The following RPE65 variants were observed in gnomAD, a reference collection of about 807,000 sequenced individuals.
RPE65 encodes retinoid isomerohydrolase RPE65.
Under a neutral mutation model 68.5 loss-of-function variants are expected in RPE65, and 58 were observed. That is an observed-to-expected ratio of 0.85 (90% CI 0.69 to 1.05). RPE65 has a LOEUF of 1.05. RPE65 is among the 50% of genes least tolerant of loss of function. RPE65 has a pLI of 0.00. For missense variants in RPE65, 643 were observed against 629.9 expected, an observed-to-expected ratio of 1.02 and a Z score of -0.22; for synonymous variants, 220 against 222.2, an observed-to-expected ratio of 0.99 and a Z score of 0.09.
chr1:68,448,073 A>G (rs531391957), intron 2 of RPE65, among the ~76,000 whole-genome samples: 142 of 152,232 alleles, frequency 9.3e-4, no homozygotes, highest in African/African-American at 3.3e-3. Context: ...TATTTACATT[A>G]CTCCACTTAA....
chr1:68,432,789 C>G (rs2100809721), intron 10 of RPE65, among the ~76,000 whole-genome samples: 1 of 152,098 alleles, frequency 6.6e-6, no homozygotes, highest in Non-Finnish European at 1.5e-5. Context: ...AGGGAGGATC[C>G]AAGAGTGGAA....
Position 68,431,553 on chromosome 1 carries a change from G to A in RPE65, c.1161C>T (p.Pro387=), listed in dbSNP as rs1290877282. The A allele has an allele frequency of 6.2e-7, 1 of 1,613,724 alleles. No individual in the cohort carries two copies. The highest frequency in any genetic ancestry group is 8.5e-7 in the Non-Finnish European group (1 of 1,179,884). The change falls in exon 11 of 14, where the codon CCC becomes CCT. Residue 387 remains proline (P), a synonymous_variant. Coordinates refer to ENST00000262340, the MANE Select transcript of RPE65 (RefSeq NM_000329.3). ...ADTGKNLVTL[P]NTTATAILCS... ...ACAGAATTGCAGTGGCAGTTGTATT[G>A]GGGAGCGTGACTAAATTCTTGCCTG...
intron 3 of RPE65, 113 bp downstream of exon 3, chr1:68,446,597 G>A: frequency 8.2e-7 from 1 of 1,216,216 alleles, no homozygotes; most frequent in Non-Finnish European, 1.2e-6. Flanking sequence ...ATTGTGAGAA[G>A]AAAGTGGGTA....
chr1:68,429,979 A>T (rs1645814691), intron 13 of RPE65, 52 bp from the exon 14 acceptor site: 1 of 1,601,496 alleles, frequency 6.2e-7, no homozygotes, highest in Non-Finnish European at 8.5e-7. Context: ...AGCCCAAGCT[A>T]TAGATTGAAT....
chr1:68,435,681 G>T (rs1021834723), intron 10 of RPE65, among the ~76,000 whole-genome samples: 4 of 152,084 alleles, frequency 2.6e-5, no homozygotes, highest in Non-Finnish European at 5.9e-5. Flanking sequence ...GTCTTCAGTT[G>T]TTCTGCCTCA....
chr1:68,433,858 G>C (rs1429666667), intron 10 of RPE65, among the ~76,000 whole-genome samples: 1 of 152,074 alleles, frequency 6.6e-6, no homozygotes, highest in Non-Finnish European at 1.5e-5. Flanking sequence ...GTCTACATGA[G>C]AAAGTGTTTG....
chr1:68,446,928 G>C, intron 2 of RPE65, 68 bp from the exon 3 acceptor site: 1 of 1,604,998 alleles, frequency 6.2e-7, no homozygotes, highest in Non-Finnish European at 8.5e-7. Flanking sequence ...CCTTGGTAAG[G>C]CAGAGTATAT....
intron 1 of RPE65, 21 bp from the exon 2 acceptor site, chr1:68,448,727 G>C (rs768450520): frequency 6.8e-6 from 11 of 1,607,544 alleles, no homozygotes; most frequent in South Asian, 1.1e-5. Context: ...GGAAGAATAA[G>C]GAAGAAGCCC....
intron 3 of RPE65, among the ~76,000 whole-genome samples, chr1:68,445,714 C>T (rs1645937910): frequency 6.6e-6 from 1 of 152,016 alleles, no homozygotes; most frequent in African/African-American, 2.4e-5. Flanking sequence ...CGGGGTTTCA[C>T]CATGCTAGCC....
At position 68,446,725 on chromosome 1, in the gene RPE65, A is replaced by G. The variant is rs2100831151; in HGVS notation, c.230T>C (p.Val77Ala). Residue 77 changes from valine (V) to alanine (A), a missense_variant, in exon 3 of 14, where the codon GTC becomes GCC. Coordinates refer to ENST00000262340, the MANE Select transcript of RPE65 (RefSeq NM_000329.3). ...LHKFDFKEGH[V>A]TYHRRFIRTD... ...GCTGCTTTACCTTCTGTGGTATGTGACATGTCCTTCTTTAAAGTCAAACTT... is the reference window on the plus strand; with the variant it reads ...GCTGCTTTACCTTCTGTGGTATGTGGCATGTCCTTCTTTAAAGTCAAACTT... The G allele has an allele frequency of 6.2e-7, 1 of 1,614,174 alleles. No homozygotes were observed. The highest frequency in any genetic ancestry group is 1.7e-5 in the Admixed American group (1 of 60,022).
chr1:68,444,769 C>A lies in RPE65; in HGVS notation c.353+7G>T. The stretch of plus-strand genomic sequence containing the variant: ...TCTTGAGTAACATTCAGTTTGGGTT[C>A]AGTAACCTGGAAAATATATTCTTGC... On this transcript the variant is annotated splice_region_variant and intron_variant, in intron 4 of 13. Coordinates refer to ENST00000262340, the MANE Select transcript of RPE65 (RefSeq NM_000329.3). The A allele has an allele frequency of 6.2e-7, 1 of 1,614,086 alleles. No homozygotes were observed. The highest frequency in any genetic ancestry group is 1.1e-5 in the South Asian group (1 of 91,068).
chr1:68,448,798 G>A, intron 1 of RPE65, 92 bp from the exon 2 acceptor site: 1 of 982,738 alleles, frequency 1.0e-6, no homozygotes, highest in Non-Finnish European at 1.5e-6. Flanking sequence ...GGCACTCTAG[G>A]GCTGGCTCAA....
chr1:68,432,008 G>A (rs148533201), intron 10 of RPE65, among the ~76,000 whole-genome samples: 8 of 146,572 alleles, frequency 5.5e-5, no homozygotes, highest in Non-Finnish European at 9.0e-5. Context: ...TCGTTCACAC[G>A]TAGAATATGT....
intron 1 of RPE65, 120 bp from the exon 2 acceptor site, chr1:68,448,826 C>T (rs1429440841): frequency 4.1e-5 from 12 of 293,640 alleles, no homozygotes; most frequent in Non-Finnish European, 6.9e-5. Context: ...TCACTCCTGC[C>T]GGTCTAGTCT....
At chr1:68,439,130 G>C (rs758083026) in intron 8 of RPE65, 49 bp from the exon 9 acceptor site, 14 of 1,613,696 alleles carry the variant, frequency 8.7e-6, no homozygotes, top group Non-Finnish European at 1.2e-5. Flanking sequence ...GGAAAAAAGT[G>C]TACATTATTA....
chr1:68,433,262 GA>G (rs1341079095), intron 10 of RPE65, among the ~76,000 whole-genome samples: 1 of 152,182 alleles, frequency 6.6e-6, no homozygotes, highest in Admixed American at 6.6e-5. Context: ...ACAAGACGAG[GA>G]ATGAGAAGGT....
chr1:68,431,735 C>T (rs149767405), intron 10 of RPE65, 150 bp from the exon 11 acceptor site: 65 of 705,842 alleles, frequency 9.2e-5, no homozygotes, highest in East Asian at 6.5e-4. Flanking sequence ...GACCCTGGGA[C>T]GCGACTGGGC....
rs534707137 is a variant in RPE65 at position 68,432,067 on chromosome 1, GA to G, written c.1129-483del. 1.8e-3 allele frequency among the ~76,000 whole-genome samples: 222 copies of G among 122,088 alleles called. 4 individuals carry two copies. Among genetic ancestry groups the G allele is most frequent in the South Asian group, 0.013 (48 of 3,560 alleles). 80.1% of individuals were successfully genotyped at this position (122,088 alleles called of 152,430 possible). A position where few individuals can be genotyped will look rare whatever the true frequency, so the allele number is the denominator to read the frequency against. On this transcript the variant is annotated intron_variant, in intron 10 of 13. Transcript: ENST00000262340. ...ATCCTTACAGTTATGTTGACAAAAA[GA>G]AAAAAAAAAAACGCTGGACCATATG... is the stretch of plus-strand genomic sequence containing the variant.
chr1:68,439,430 C>T (rs1027506130), intron 7 of RPE65, 107 bp from the exon 8 acceptor site: 3 of 1,555,932 alleles, frequency 1.9e-6, no homozygotes, highest in Admixed American at 1.7e-5. Flanking sequence ...ACAGTGCCTA[C>T]ATGAAATTAA....
Sources: allele counts gnomAD v4.1 joint callset (sites outside exome capture counted in the v4.1 genomes callset), GRCh38; gene constraint gnomAD v4.1.1; transcripts MANE v1.5; gene names NCBI Gene and HGNC (gene_info 2026-07-23, HGNC 2026-07-21).